Variants in TBC1D22A observed in about 807,000 individuals in gnomAD.
TBC1D22A encodes TBC1 domain family member 22A.
In TBC1D22A, 38 loss-of-function variants were observed where a neutral mutation model predicts 60.2. That is an observed-to-expected ratio of 0.63 (90% CI 0.49 to 0.83). The LOEUF is 0.83. Among genes scored for constraint, TBC1D22A ranks in the 40% least tolerant of loss-of-function variants. TBC1D22A has a pLI of 0.00. For missense variants in TBC1D22A, 628 were observed against 701.0 expected, an observed-to-expected ratio of 0.90 and a Z score of 1.18; for synonymous variants, 302 against 281.7, an observed-to-expected ratio of 1.07 and a Z score of -0.72.
intron 12 of TBC1D22A, chr22:47,116,195 C>T (rs1451566947): frequency 1.3e-5 from 2 of 152,266 alleles, no homozygotes; most frequent in Non-Finnish European, 2.9e-5. Flanking sequence ...GGAGTGCCCA[C>T]CAGAAGTGGG....
chr22:47,005,618 C>G (rs900125215), intron 10 of TBC1D22A, among the ~76,000 whole-genome samples: 4 of 62,280 alleles, frequency 6.4e-5, no homozygotes, highest in African/African-American at 1.4e-4. Flanking sequence ...TACTCACATA[C>G]CCCCTACAAA....
At chr22:46,858,786 A>G (rs770050339) in intron 4 of TBC1D22A, among the ~76,000 whole-genome samples, 4 of 152,172 alleles carry the variant, frequency 2.6e-5, no homozygotes, top group Non-Finnish European at 5.9e-5. Flanking sequence ...TAGAGGAGTT[A>G]TTTTCCTAAG....
intron 12 of TBC1D22A, among the ~76,000 whole-genome samples, chr22:47,146,616 C>CAG (rs1228228190): frequency 6.6e-6 from 1 of 152,212 alleles, no homozygotes; most frequent in Admixed American, 6.5e-5. Flanking sequence ...GATTAGCTTT[C>CAG]AGAGTGGGCT....
chr22:46,896,706 C>T (rs554628627), intron 7 of TBC1D22A, among the ~76,000 whole-genome samples: 4 of 152,140 alleles, frequency 2.6e-5, no homozygotes, highest in South Asian at 2.1e-4. Flanking sequence ...CCCTTCATAT[C>T]GCACCCCGCA....
intron 8 of TBC1D22A, among the ~76,000 whole-genome samples, chr22:46,948,035 G>A (rs2072659273): frequency 1.3e-5 from 2 of 152,226 alleles, no homozygotes; most frequent in Admixed American, 1.3e-4. Flanking sequence ...TAAATGAGGT[G>A]CTCTGAGCTA....
At chr22:47,066,669 C>T (rs912823867) in intron 11 of TBC1D22A, among the ~76,000 whole-genome samples, 2 of 152,194 alleles carry the variant, frequency 1.3e-5, no homozygotes, top group Non-Finnish European at 2.9e-5. Context: ...TACCTTGGCA[C>T]GCAGCAGCTC....
intron 8 of TBC1D22A, among the ~76,000 whole-genome samples, chr22:46,937,237 G>A (rs1346338375): frequency 1.3e-5 from 2 of 152,184 alleles, no homozygotes; most frequent in Non-Finnish European, 2.9e-5. Flanking sequence ...AGAAGAAAAT[G>A]CATTCTAGCC....
rs1437715581 is a variant in TBC1D22A at position 47,001,786 on chromosome 22, C to T, written c.1201+4077C>T. ...GGAAGAATAATTTTTCTGAAAAATT[C>T]TCGAAACAAGGCTCATGGCTAAGTG... is the stretch of plus-strand genomic sequence containing the variant. On this transcript the variant is annotated intron_variant, in intron 10 of 12. Coordinates refer to ENST00000337137, the MANE Select transcript of TBC1D22A (RefSeq NM_014346.5). Among the ~76,000 whole-genome samples, 3 of 152,066 alleles carry T rather than the reference C, an allele frequency of 2.0e-5. No homozygotes were observed. In the South Asian group the frequency reaches 6.2e-4, roughly 32 times the overall value.
intron 1 of TBC1D22A, among the ~76,000 whole-genome samples, chr22:46,778,352 C>T (rs2146773339): frequency 6.6e-6 from 1 of 152,304 alleles, no homozygotes; most frequent in African/African-American, 2.4e-5. Flanking sequence ...TGACTCCTTT[C>T]TATTGACACA....
chr22:46,906,590 A>G (rs1267166719), intron 7 of TBC1D22A, among the ~76,000 whole-genome samples: 1 of 152,210 alleles, frequency 6.6e-6, no homozygotes, highest in Non-Finnish European at 1.5e-5. Flanking sequence ...TCTCCATCCC[A>G]GATCCTTGGA....
chr22:47,042,186 A>G (rs2062868525), intron 11 of TBC1D22A, among the ~76,000 whole-genome samples: 1 of 152,006 alleles, frequency 6.6e-6, no homozygotes, highest in South Asian at 2.1e-4. Context: ...CCCCCCCATG[A>G]GGCACTTTGG....
intron 11 of TBC1D22A, among the ~76,000 whole-genome samples, chr22:47,099,064 A>G (rs1357707741): frequency 2.6e-5 from 4 of 152,238 alleles, no homozygotes; most frequent in Non-Finnish European, 5.9e-5. Context: ...ACCCTGACAC[A>G]GGGGTCCCAA....
At chr22:46,815,273 G>A (rs983595995) in intron 4 of TBC1D22A, among the ~76,000 whole-genome samples, 12 of 152,182 alleles carry the variant, frequency 7.9e-5, no homozygotes, top group Non-Finnish European at 4.4e-5. Flanking sequence ...TGCGGCGGTC[G>A]CTTGTTCACT....
At chr22:46,820,953 T>G (rs573594311) in intron 4 of TBC1D22A, among the ~76,000 whole-genome samples, 2 of 152,224 alleles carry the variant, frequency 1.3e-5, no homozygotes, top group Non-Finnish European at 2.9e-5. Flanking sequence ...CTCTTCTTGT[T>G]GAATTCTTCC....
chr22:47,119,874 C>T (rs2066209622), intron 12 of TBC1D22A, among the ~76,000 whole-genome samples: 2 of 152,208 alleles, frequency 1.3e-5, no homozygotes, highest in African/African-American at 2.4e-5. Context: ...AGGCGTCGGC[C>T]TCTGGTGTCT....
At chr22:46,783,514 G>T (rs2084031692) in intron 1 of TBC1D22A, among the ~76,000 whole-genome samples, 1 of 152,182 alleles carries the variant, frequency 6.6e-6, no homozygotes, top group Non-Finnish European at 1.5e-5. Context: ...ATGCCGCTGT[G>T]GGGTCTTTGC....
intron 11 of TBC1D22A, among the ~76,000 whole-genome samples, chr22:47,109,796 C>T (rs908673343): frequency 3.3e-5 from 5 of 152,096 alleles, no homozygotes; most frequent in Admixed American, 3.3e-4. Flanking sequence ...TTTTTCTGCA[C>T]AACCTTCAAA....
chr22:47,083,875 A>T (rs1292869126), intron 11 of TBC1D22A, among the ~76,000 whole-genome samples: 1 of 152,382 alleles, frequency 6.6e-6, no homozygotes, highest in Non-Finnish European at 1.5e-5. Flanking sequence ...AAGGATTGAC[A>T]ACTCTAAATG....
At chr22:46,798,927 G>A (rs1001853112) in intron 4 of TBC1D22A, among the ~76,000 whole-genome samples, 12 of 152,226 alleles carry the variant, frequency 7.9e-5, no homozygotes, top group African/African-American at 2.4e-4. Context: ...CAAAGGGCAT[G>A]GCTGAAGCTG....
Sources: allele counts gnomAD v4.1 joint callset (sites outside exome capture counted in the v4.1 genomes callset), GRCh38; gene constraint gnomAD v4.1.1; transcripts MANE v1.5; gene names NCBI Gene and HGNC (gene_info 2026-07-23, HGNC 2026-07-21).